CYRIB: variants seen among roughly 807,000 people sequenced by gnomAD.
CYRIB encodes CYFIP-related Rac1 interactor B.
A neutral mutation model predicts 44.2 loss-of-function variants in CYRIB; 8 were observed. That is an observed-to-expected ratio of 0.18 (90% CI 0.11 to 0.33). CYRIB has a LOEUF of 0.33. CYRIB is among the 10% of genes least tolerant of loss of function. The probability of loss-of-function intolerance (pLI) is 1.00; values close to 1 mark genes in which losing one functional copy is unlikely to be tolerated. For missense variants in CYRIB, 185 were observed against 382.8 expected, an observed-to-expected ratio of 0.48 and a Z score of 4.31; for synonymous variants, 131 against 127.2, an observed-to-expected ratio of 1.03 and a Z score of -0.20.
intron 1 of CYRIB, among the ~76,000 whole-genome samples, chr8:130,012,687 T>G (rs115316302): frequency 6.6e-6 from 1 of 152,020 alleles, no homozygotes. Flanking sequence ...ACAGAGCTAG[T>G]GAGTGGCAGA....
rs138621261 is a variant in CYRIB, at chr8:129,863,467, G to C, written c.196-1133C>G. ...TTGAACCCGGGAAGTGGAGGCTGCA[G>C]TGAGCCGAGATCATGCCATTGCCCT... is the stretch of plus-strand genomic sequence containing the variant. On this transcript the variant is annotated intron_variant, in intron 4 of 11. Coordinates refer to ENST00000519824, the Ensembl canonical transcript of CYRIB. Among the ~76,000 whole-genome samples, 70 of 151,840 alleles carry C rather than the reference G, an allele frequency of 4.6e-4. No individual in the cohort carries two copies. The South Asian group carries it at 0.01, about 22-fold the overall frequency.
chr8:130,016,046 C>A (rs1406557396), intron 1 of CYRIB, among the ~76,000 whole-genome samples: 1 of 151,622 alleles, frequency 6.6e-6, no homozygotes, highest in Non-Finnish European at 1.5e-5. Flanking sequence ...CCTCGAGGCG[C>A]ACAAGGCGCC....
chr8:130,013,944 C>T (rs1772156882), intron 1 of CYRIB, among the ~76,000 whole-genome samples: 1 of 152,162 alleles, frequency 6.6e-6, no homozygotes, highest in Non-Finnish European at 1.5e-5. Flanking sequence ...GGTCAGGTGC[C>T]AGAGGAAGCA....
rs1311178408 is a variant in CYRIB, at chr8:129,894,914, T to C, written c.-11+8398A>G. On this transcript the variant is annotated intron_variant, in intron 2 of 11. Transcript: ENST00000519824. ...CTTTTTTCAAACTGAGTGTTAGAAA[T>C]ATATATATATATATATTTTTTTAAT... is the stretch of plus-strand genomic sequence containing the variant. Among the ~76,000 whole-genome samples the C allele has an allele frequency of 1.0e-4, 15 of 148,302 alleles. No homozygotes were observed. In the East Asian group the frequency reaches 1.8e-3, roughly 17 times the overall value.
At chr8:129,871,480 C>T (rs373503653) in exon 4 of CYRIB, 65 of 1,607,942 alleles carry the variant, frequency 4.0e-5, no homozygotes, top group Non-Finnish European at 5.2e-5. Flanking sequence ...CCTTCTCAGA[C>T]TCTGTAGGCT....
At chr8:129,928,660 T>TA (rs879465964) in intron 1 of CYRIB, among the ~76,000 whole-genome samples, 68 of 137,842 alleles carry the variant, frequency 4.9e-4, no homozygotes, top group East Asian at 1.6e-3. Flanking sequence ...ATCCTTTCTT[T>TA]AAAAAAAAAA....
At chr8:129,946,228 T>C (rs2094131716) in intron 2 of CYRIB, among the ~76,000 whole-genome samples, 1 of 152,188 alleles carries the variant, frequency 6.6e-6, no homozygotes, top group Admixed American at 6.5e-5. Context: ...CAATTGTCCT[T>C]AGAGAAGACT....
chr8:129,854,163 T>C, intron 7 of CYRIB, 103 bp downstream of exon 9: 1 of 901,408 alleles, frequency 1.1e-6, no homozygotes, highest in Non-Finnish European at 1.8e-6. Flanking sequence ...CTAACTTTAT[T>C]ACTAGCTTTA....
intron 1 of CYRIB, among the ~76,000 whole-genome samples, chr8:129,926,544 C>A (rs570878828): frequency 6.6e-6 from 1 of 152,068 alleles, no homozygotes; most frequent in South Asian, 2.1e-4. Context: ...CATGTATGCA[C>A]CATATAAAAT....
chr8:129,900,808 T>G (rs181789150), intron 2 of CYRIB, among the ~76,000 whole-genome samples: 98 of 152,162 alleles, frequency 6.4e-4, no homozygotes, highest in Non-Finnish European at 1.3e-3. Flanking sequence ...GCCTCCTGGG[T>G]AGCTGGGATT....
chr8:129,885,959 T>C (rs1196865432), intron 2 of CYRIB, among the ~76,000 whole-genome samples: 2 of 152,220 alleles, frequency 1.3e-5, no homozygotes, highest in African/African-American at 4.8e-5. Flanking sequence ...CTATCTTTTC[T>C]ACCATCCTTT....
At chr8:129,888,684 T>C (rs1405715226) in intron 2 of CYRIB, among the ~76,000 whole-genome samples, 1 of 152,220 alleles carries the variant, frequency 6.6e-6, no homozygotes, top group Non-Finnish European at 1.5e-5. Flanking sequence ...ATTTACTCTG[T>C]CTTCCTCTGA....
At chr8:129,891,516 G>A (rs2065405308) in intron 2 of CYRIB, among the ~76,000 whole-genome samples, 1 of 152,160 alleles carries the variant, frequency 6.6e-6, no homozygotes, top group Admixed American at 6.5e-5. Context: ...CAGGATTCAG[G>A]TATTCCTGGA....
chr8:129,904,985 G>A (rs1048144744), intron 1 of CYRIB, among the ~76,000 whole-genome samples: 3 of 152,080 alleles, frequency 2.0e-5, no homozygotes, highest in Non-Finnish European at 4.4e-5. Context: ...AAAAATACAG[G>A]TGATACAGAG....
chr8:130,008,372 A>C, intron 1 of CYRIB: 1 of 154,234 alleles, frequency 6.5e-6, no homozygotes, highest in East Asian at 1.9e-4. Flanking sequence ...ATCCCATTCC[A>C]AACCCCTCAG....
At chr8:130,012,728 C>T (rs1276433846) in intron 1 of CYRIB, among the ~76,000 whole-genome samples, 6 of 152,080 alleles carry the variant, frequency 3.9e-5, no homozygotes, top group Non-Finnish European at 7.4e-5. Context: ...TGTAGGGCCC[C>T]AAAACCTTCA....
intron 2 of CYRIB, among the ~76,000 whole-genome samples, chr8:129,965,293 G>A (rs1012251319): frequency 4.0e-5 from 6 of 150,504 alleles, no homozygotes; most frequent in South Asian, 2.1e-4. Context: ...TCCAGCAATC[G>A]CCCAGGCATA....
Position 129,852,143 on chromosome 8 carries a change from CT to C in CYRIB, c.633+18del. ...GGGCATAAATAACAACACAGAGTAC[CT>C]GCCTAGGCAATGCTTACCTCTGATA... On this transcript the variant is annotated intron_variant, in intron 8 of 11. Transcript: ENST00000519824. 1 of 1,455,598 alleles carries C rather than the reference CT, an allele frequency of 6.9e-7. No individual in the cohort carries two copies. The highest frequency in any genetic ancestry group is 9.3e-7 in the Non-Finnish European group (1 of 1,076,952). 90.2% of individuals were successfully genotyped at this position (1,455,598 alleles called of 1,614,324 possible).
chr8:129,936,821 C>T (rs1475723186), intron 1 of CYRIB, among the ~76,000 whole-genome samples: 1 of 151,576 alleles, frequency 6.6e-6, no homozygotes, highest in African/African-American at 2.4e-5. Flanking sequence ...ATTCTCCTGC[C>T]TCGGCCTCCT....
Sources: allele counts gnomAD v4.1 joint callset (sites outside exome capture counted in the v4.1 genomes callset), GRCh38; gene constraint gnomAD v4.1.1; transcripts MANE v1.5; gene names NCBI Gene and HGNC (gene_info 2026-07-23, HGNC 2026-07-21).